The following ERBB4 variants were observed in gnomAD, a reference collection of about 807,000 sequenced individuals.
The protein encoded by ERBB4 is receptor tyrosine-protein kinase erbB-4.
Under a neutral mutation model 158.0 loss-of-function variants are expected in ERBB4, and 42 were observed. The observed-to-expected ratio is 0.27, with a 90% CI of 0.21 to 0.34. The LOEUF (loss-of-function observed/expected upper bound fraction) is 0.34, where lower values mean the gene tolerates loss of function less well. Among genes scored for constraint, ERBB4 ranks in the 10% least tolerant of loss-of-function variants. The pLI, the probability that ERBB4 is intolerant of heterozygous loss-of-function variation, is 1.00. For synonymous variants in ERBB4, 583 were observed against 558.7 expected (o/e 1.04, Z -0.61); for missense variants, 1,333 against 1,624.1 (o/e 0.82, Z 3.08).
At chr2:211,575,557 A>C (rs2067864644) in intron 19 of ERBB4, among the ~76,000 whole-genome samples, 1 of 152,228 alleles carries the variant, frequency 6.6e-6, no homozygotes, top group African/African-American at 2.4e-5. Flanking sequence ...TATTTAGTAT[A>C]ACTTGGGAAA....
intron 1 of ERBB4, among the ~76,000 whole-genome samples, chr2:212,206,605 T>TTTTTTTTTTTTTTTTTA (rs2082759821): frequency 7.4e-6 from 1 of 134,238 alleles, no homozygotes. Flanking sequence ...TTTTTTTTTT[T>TTTTTTTTTTTTTTTTTA]GAGACGGAGT....
At chr2:212,296,263 C>T (rs538059261) in intron 1 of ERBB4, among the ~76,000 whole-genome samples, 1 of 151,990 alleles carries the variant, frequency 6.6e-6, no homozygotes, top group Admixed American at 6.6e-5. Flanking sequence ...AGAGTCCGTG[C>T]AGCTTTCTAC....
intron 1 of ERBB4, among the ~76,000 whole-genome samples, chr2:212,205,667 A>G (rs2082724327): frequency 6.6e-6 from 1 of 152,180 alleles, no homozygotes; most frequent in Non-Finnish European, 1.5e-5. Context: ...ATTTGTCATA[A>G]GCATTGTTAC....
At chr2:212,277,827 G>A (rs951307128) in intron 1 of ERBB4, among the ~76,000 whole-genome samples, 1 of 151,534 alleles carries the variant, frequency 6.6e-6, no homozygotes, top group Admixed American at 6.6e-5. Flanking sequence ...TAGAAGAAGG[G>A]GTGCTTATTA....
At chr2:212,352,544 T>C (rs2089297897) in intron 1 of ERBB4, among the ~76,000 whole-genome samples, 1 of 152,124 alleles carries the variant, frequency 6.6e-6, no homozygotes, top group African/African-American at 2.4e-5. Flanking sequence ...TATGCAAATG[T>C]ATATGTGTAA....
In ERBB4 at chr2:212,357,123, A is replaced by G. The variant is rs533431657; in HGVS notation, c.82+181326T>C. 4.1e-4 allele frequency among the ~76,000 whole-genome samples: 63 copies of G among 151,864 alleles called. 1 individual carries two copies. The highest frequency in any genetic ancestry group is 8.1e-4 in the Non-Finnish European group (55 of 67,898). ...GTGAGCAAATTTGCTATTCCTGGAT[A>G]TCATATGTCTCTCAGCTTTTGCTTT... On this transcript the variant is annotated intron_variant, in intron 1 of 27. Transcript: ENST00000342788.
At chr2:212,068,611 T>C (rs2078012071) in intron 2 of ERBB4, among the ~76,000 whole-genome samples, 1 of 152,038 alleles carries the variant, frequency 6.6e-6, no homozygotes, top group African/African-American at 2.4e-5. Flanking sequence ...AATCAATTAC[T>C]TTCCTATGGC....
At chr2:212,438,075 A>G (rs12987104) in intron 1 of ERBB4, among the ~76,000 whole-genome samples, 24,662 of 152,000 alleles carry the variant, frequency 0.16, 2,544 homozygotes, top group Non-Finnish European at 0.23. Context: ...GGCTAGCCCT[A>G]TGGTGGCTGC....
chr2:212,433,019 A>G (rs1490498816), intron 1 of ERBB4, among the ~76,000 whole-genome samples: 1 of 152,056 alleles, frequency 6.6e-6, no homozygotes, highest in African/African-American at 2.4e-5. Flanking sequence ...TCGAAGGGTT[A>G]TATGTACCCC....
intron 19 of ERBB4, among the ~76,000 whole-genome samples, chr2:211,585,847 G>C (rs967958143): frequency 1.3e-5 from 2 of 152,066 alleles, no homozygotes; most frequent in African/African-American, 4.8e-5. Flanking sequence ...AAAATAAAGA[G>C]GAGATAATTA....
chr2:211,409,659 C>T (rs557999110), intron 25 of ERBB4, among the ~76,000 whole-genome samples: 2 of 152,140 alleles, frequency 1.3e-5, no homozygotes, highest in East Asian at 3.9e-4. Flanking sequence ...CCTTTTAAGC[C>T]AATTGATACT....
At chr2:211,465,705 A>G (rs2064665543) in intron 20 of ERBB4, among the ~76,000 whole-genome samples, 1 of 152,180 alleles carries the variant, frequency 6.6e-6, no homozygotes, top group South Asian at 2.1e-4. Context: ...CAGGACAAAG[A>G]AACCTCCTAT....
intron 3 of ERBB4, among the ~76,000 whole-genome samples, chr2:211,788,652 A>G (rs1209490197): frequency 6.6e-6 from 1 of 152,162 alleles, no homozygotes; most frequent in East Asian, 1.9e-4. Context: ...TCTTTACAAC[A>G]AATTTCCACA....
intron 20 of ERBB4, among the ~76,000 whole-genome samples, chr2:211,441,550 TTTTG>T (rs1392469548): frequency 2.0e-5 from 3 of 152,070 alleles, no homozygotes; most frequent in African/African-American, 7.3e-5. Context: ...TCTTTCTTGT[TTTTG>T]TTTGTTTGTT....
At chr2:211,690,212 ACTGT>A (rs566741262) in intron 12 of ERBB4, among the ~76,000 whole-genome samples, 24 of 152,060 alleles carry the variant, frequency 1.6e-4, no homozygotes, top group African/African-American at 4.6e-4. Flanking sequence ...TTCCCTTGGC[ACTGT>A]CTATTTTATG....
intron 1 of ERBB4, among the ~76,000 whole-genome samples, chr2:212,248,400 A>G (rs563477434): frequency 3.3e-5 from 5 of 152,282 alleles, no homozygotes; most frequent in Admixed American, 3.3e-4. Context: ...TCTTGTCTAG[A>G]AAGAGTATAT....
intron 2 of ERBB4, among the ~76,000 whole-genome samples, chr2:211,959,136 T>A (rs1441495123): frequency 2.0e-5 from 3 of 152,042 alleles, no homozygotes; most frequent in African/African-American, 7.2e-5. Flanking sequence ...CACCCACCCA[T>A]ACATCTATTC....
chr2:211,915,435 T>TTATATA (rs1289522405), intron 3 of ERBB4, among the ~76,000 whole-genome samples: 5,218 of 135,464 alleles, frequency 0.039, 131 homozygotes, highest in African/African-American at 0.083. Flanking sequence ...AGTTCAAACA[T>TTATATA]TACATATATA....
intron 20 of ERBB4, among the ~76,000 whole-genome samples, chr2:211,445,727 G>A (rs536491145): frequency 7.9e-5 from 12 of 152,162 alleles, no homozygotes; most frequent in South Asian, 2.1e-4. Context: ...ACGGTGGTCC[G>A]CAAAACAACA....
Sources: allele counts gnomAD v4.1 joint callset (sites outside exome capture counted in the v4.1 genomes callset), GRCh38; gene constraint gnomAD v4.1.1; transcripts MANE v1.5; gene names NCBI Gene and HGNC (gene_info 2026-07-23, HGNC 2026-07-21).